The following PRKCA variants were observed in gnomAD, a reference collection of about 807,000 sequenced individuals.
PRKCA encodes the protein protein kinase C alpha type.
Under a neutral mutation model 87.0 loss-of-function variants are expected in PRKCA, and 27 were observed. The observed-to-expected ratio is 0.31, with a 90% CI of 0.23 to 0.43. The LOEUF (loss-of-function observed/expected upper bound fraction) is 0.43. PRKCA is among the 20% of genes least tolerant of loss of function. PRKCA has a pLI of 1.00. For missense variants in PRKCA, 518 were observed against 852.3 expected, an observed-to-expected ratio of 0.61 and a Z score of 4.88; for synonymous variants, 329 against 311.1, an observed-to-expected ratio of 1.06 and a Z score of -0.61.
intron 16 of PRKCA, among the ~76,000 whole-genome samples, chr17:66,793,607 AAAAAAAAAAC>A (rs1334926845): frequency 1.3e-5 from 2 of 151,428 alleles, no homozygotes; most frequent in East Asian, 3.9e-4. Context: ...AAAAAAAAAA[AAAAAAAAAAC>A]CGGAATGTTC....
intron 2 of PRKCA, among the ~76,000 whole-genome samples, chr17:66,327,911 C>T (rs1475002801): frequency 1.3e-5 from 2 of 152,102 alleles, no homozygotes; most frequent in Non-Finnish European, 1.5e-5. Context: ...GCTGGAATCC[C>T]TCTAGTGATG....
At chr17:66,701,537 A>G (rs537221059) in intron 8 of PRKCA, among the ~76,000 whole-genome samples, 15 of 152,280 alleles carry the variant, frequency 9.9e-5, no homozygotes, top group Non-Finnish European at 1.5e-4. Context: ...AGGAGAAAAT[A>G]TTTGCAAACT....
chr17:66,682,505 C>T (rs1368196077), intron 5 of PRKCA, among the ~76,000 whole-genome samples: 1 of 152,274 alleles, frequency 6.6e-6, no homozygotes, highest in Non-Finnish European at 1.5e-5. Flanking sequence ...ATTCTTCCCG[C>T]GTTCCCTGCC....
intron 8 of PRKCA, among the ~76,000 whole-genome samples, chr17:66,718,177 T>C (rs1345908033): frequency 2.0e-5 from 3 of 152,198 alleles, no homozygotes; most frequent in Non-Finnish European, 4.4e-5. Context: ...CTCTCTTAGT[T>C]CTGAATGCTG....
At chr17:66,401,146 G>A (rs1911000052) in intron 2 of PRKCA, among the ~76,000 whole-genome samples, 4 of 152,190 alleles carry the variant, frequency 2.6e-5, no homozygotes, top group South Asian at 2.1e-4. Context: ...AAGTAGCCAC[G>A]TTTTGTAGGA....
intron 2 of PRKCA, among the ~76,000 whole-genome samples, chr17:66,408,445 A>G (rs888641562): frequency 6.6e-6 from 1 of 152,222 alleles, no homozygotes; most frequent in African/African-American, 2.4e-5. Context: ...AAAATGAGGG[A>G]ATACATTTAA....
intron 5 of PRKCA, among the ~76,000 whole-genome samples, chr17:66,657,424 T>C (rs1418916656): frequency 1.3e-5 from 2 of 152,190 alleles, no homozygotes; most frequent in East Asian, 3.8e-4. Flanking sequence ...TTTCATCAAC[T>C]TCGACTCACT....
At chr17:66,499,803 A>G (rs1916648404) in intron 3 of PRKCA, among the ~76,000 whole-genome samples, 1 of 152,276 alleles carries the variant, frequency 6.6e-6, no homozygotes, top group Middle Eastern at 3.4e-3. Context: ...AAAGAGGTAT[A>G]TTAGATATTC....
intron 3 of PRKCA, among the ~76,000 whole-genome samples, chr17:66,556,663 T>G (rs1968505001): frequency 6.6e-6 from 1 of 152,172 alleles, no homozygotes; most frequent in African/African-American, 2.4e-5. Flanking sequence ...TCCCATGCTG[T>G]TCTCATGATA....
chr17:66,423,898 G>A (rs1912634241), intron 2 of PRKCA, among the ~76,000 whole-genome samples: 1 of 150,930 alleles, frequency 6.6e-6, no homozygotes, highest in Admixed American at 6.7e-5. Flanking sequence ...TGAATCCTTT[G>A]CTAGCTGCAG....
At chr17:66,597,884 A>G (rs1269456970) in intron 3 of PRKCA, among the ~76,000 whole-genome samples, 1 of 73,218 alleles carries the variant, frequency 1.4e-5, no homozygotes, top group Non-Finnish European at 2.5e-5. Context: ...CAAAGATCAG[A>G]TAGTTGTAGA....
chr17:66,403,154 C>T (rs569667160), intron 2 of PRKCA, among the ~76,000 whole-genome samples: 1 of 152,238 alleles, frequency 6.6e-6, no homozygotes, highest in South Asian at 2.1e-4. Flanking sequence ...GCATGCCCTC[C>T]ATTCTTGGTG....
intron 2 of PRKCA, among the ~76,000 whole-genome samples, chr17:66,334,636 G>A (rs544190823): frequency 6.6e-6 from 1 of 152,294 alleles, no homozygotes; most frequent in Non-Finnish European, 1.5e-5. Context: ...GGATACATTA[G>A]AACTCTTGTG....
intron 3 of PRKCA, among the ~76,000 whole-genome samples, chr17:66,562,592 T>TTTTTG (rs1555619921): frequency 6.6e-6 from 1 of 150,724 alleles, no homozygotes; most frequent in Non-Finnish European, 1.5e-5. Context: ...TTTGTTTTTT[T>TTTTTG]TTGTTGTTGT....
chr17:66,526,608 G>T (rs1263335552), intron 3 of PRKCA, among the ~76,000 whole-genome samples: 1 of 152,184 alleles, frequency 6.6e-6, no homozygotes, highest in Non-Finnish European at 1.5e-5. Flanking sequence ...TTCTAGGCTT[G>T]GTAGGGGCAT....
At chr17:66,396,056 G>GTT (rs10640308) in intron 2 of PRKCA, among the ~76,000 whole-genome samples, 49,074 of 148,836 alleles carry the variant, frequency 0.33, 8,770 homozygotes, top group East Asian at 0.45. Context: ...GGGTTTAACT[G>GTT]TTTTTTTTTT....
At position 66,804,408 on chromosome 17, in the gene PRKCA, G is replaced by C. The variant is rs1224263170; in HGVS notation, c.*371G>C. Reference sequence around the variant, plus strand: ...TCAGCATTGGAATCCCCCAACCAGAGATGTTAAAGTGAGCCTGTCCCAGGA... The same window carrying C: ...TCAGCATTGGAATCCCCCAACCAGACATGTTAAAGTGAGCCTGTCCCAGGA... On this transcript the variant is annotated 3_prime_UTR_variant, in exon 17 of 17. Coordinates refer to ENST00000413366, the MANE Select transcript of PRKCA (RefSeq NM_002737.3). The C allele has an allele frequency of 6.1e-6, 1 of 164,532 alleles. No individual in the cohort carries two copies. Among genetic ancestry groups the C allele is most frequent in the African/African-American group, 2.4e-5 (1 of 41,786 alleles). 10.2% of individuals were successfully genotyped at this position (164,532 alleles called of 1,614,324 possible).
chr17:66,426,695 G>A (rs1423731057), intron 2 of PRKCA, among the ~76,000 whole-genome samples: 1 of 152,178 alleles, frequency 6.6e-6, no homozygotes, highest in African/African-American at 2.4e-5. Flanking sequence ...GACAGTCGTG[G>A]GAATACCCTT....
intron 14 of PRKCA, chr17:66,775,636 A>C (rs1454617468): frequency 1.0e-6 from 1 of 985,312 alleles, no homozygotes; most frequent in Non-Finnish European, 1.2e-6. Flanking sequence ...GTCAGAGACA[A>C]TGGAAAGAGA....
Sources: allele counts gnomAD v4.1 joint callset (sites outside exome capture counted in the v4.1 genomes callset), GRCh38; gene constraint gnomAD v4.1.1; transcripts MANE v1.5; gene names NCBI Gene and HGNC (gene_info 2026-07-23, HGNC 2026-07-21).